The following LMAN1 variants were observed in gnomAD, a reference collection of about 807,000 sequenced individuals.
LMAN1 encodes the protein protein ERGIC-53.
LMAN1 carries 32 observed loss-of-function variants against 67.8 expected under a neutral mutation model. That is an observed-to-expected ratio of 0.47 (90% confidence interval 0.36 to 0.63). The LOEUF is 0.63. Among genes scored for constraint, LMAN1 ranks in the 30% least tolerant of loss-of-function variants. The pLI, the probability that LMAN1 is intolerant of heterozygous loss-of-function variation, is 0.00. For missense variants in LMAN1, 632 were observed against 628.2 expected (o/e 1.01, Z -0.06); for synonymous variants, 235 against 219.3 (o/e 1.07, Z -0.63).
intron 5 of LMAN1, among the ~76,000 whole-genome samples, chr18:59,351,961 G>A (rs1908552582): frequency 6.6e-6 from 1 of 152,184 alleles, no homozygotes; most frequent in Admixed American, 6.5e-5. Context: ...GTTTTCCACA[G>A]AACTAACTTT....
At chr18:59,339,025 C>A in intron 8 of LMAN1, 72 bp from the exon 9 acceptor site, 1 of 1,343,182 alleles carries the variant, frequency 7.4e-7, no homozygotes, top group Non-Finnish European at 1.1e-6. Flanking sequence ...CGTAAGTGAC[C>A]AAAGTGCCAA....
chr18:59,359,155 G>A lies in LMAN1; in HGVS notation c.90C>T (p.Gly30=). 1.2e-6 allele frequency: 2 copies of A among 1,614,036 alleles called. No individual in the cohort carries two copies. The highest frequency in any genetic ancestry group is 1.7e-6 in the Non-Finnish European group (2 of 1,179,964). ...LLLSLGRFVR[G]DGVGGDPAVA... Reference sequence around the variant, plus strand: ...CCGCGGGGTCTCCTCCCACGCCGTCGCCCCGGACGAAGCGACCGAGTGACA... The same window carrying A: ...CCGCGGGGTCTCCTCCCACGCCGTCACCCCGGACGAAGCGACCGAGTGACA... The change falls in exon 1 of 13, where the codon GGC becomes GGT. Residue 30 remains glycine (G), a synonymous_variant. Transcript: ENST00000251047.
chr18:59,334,540 A>G (rs1022564688), intron 10 of LMAN1, among the ~76,000 whole-genome samples: 1 of 152,224 alleles, frequency 6.6e-6, no homozygotes, highest in Non-Finnish European at 1.5e-5. Flanking sequence ...AAGTGAAAAG[A>G]GGGCTGGACA....
chr18:59,352,282 A>G (rs979174513), intron 5 of LMAN1, among the ~76,000 whole-genome samples: 1 of 152,180 alleles, frequency 6.6e-6, no homozygotes, highest in Non-Finnish European at 1.5e-5. Flanking sequence ...AGTACCAATT[A>G]GCTGTCCAAT....
chr18:59,357,963 TAAAAAA>T (rs150790005), intron 1 of LMAN1, among the ~76,000 whole-genome samples: 1 of 102,566 alleles, frequency 9.7e-6, no homozygotes, highest in Non-Finnish European at 1.9e-5. Context: ...AACCTTATAG[TAAAAAA>T]AAAAAAAAAA....
chr18:59,344,860 A>G (rs1194367337), intron 8 of LMAN1, among the ~76,000 whole-genome samples: 2 of 152,226 alleles, frequency 1.3e-5, no homozygotes, highest in African/African-American at 2.4e-5. Context: ...GATTCTACTT[A>G]TAAGAATAGG....
intron 5 of LMAN1, chr18:59,352,814 T>A (rs181835868): frequency 3.3e-6 from 1 of 306,964 alleles, no homozygotes; most frequent in African/African-American, 2.2e-5. Context: ...GAATGATACA[T>A]TTGTGTGTCC....
chr18:59,348,988 T>C, intron 6 of LMAN1, 125 bp downstream of exon 6: 1 of 1,108,990 alleles, frequency 9.0e-7, no homozygotes, highest in South Asian at 1.3e-5. Flanking sequence ...GCACAAGAGG[T>C]GATGGGAAAG....
At chr18:59,336,863 A>G (rs1047147595) in intron 10 of LMAN1, among the ~76,000 whole-genome samples, 7 of 152,150 alleles carry the variant, frequency 4.6e-5, no homozygotes, top group Non-Finnish European at 1.0e-4. Context: ...CAGCCTGGGC[A>G]ACAGAGCTAG....
At chr18:59,353,983 C>T (rs1049095698) in intron 4 of LMAN1, among the ~76,000 whole-genome samples, 2 of 152,092 alleles carry the variant, frequency 1.3e-5, no homozygotes, top group Non-Finnish European at 2.9e-5. Context: ...ATTCTTGTTG[C>T]GTACACAAAA....
Position 59,330,953 on chromosome 18 carries a change from T to G in LMAN1, c.*140A>C. On this transcript the variant is annotated 3_prime_UTR_variant, in exon 13 of 13. Transcript: ENST00000251047. Reference sequence around the variant, plus strand: ...GTTGTCTTTGCTTTAAGGTTTATTCTTAACTGCAAATCAATGTTTAAACAG... The same window carrying G: ...GTTGTCTTTGCTTTAAGGTTTATTCGTAACTGCAAATCAATGTTTAAACAG... 1.5e-6 allele frequency: 1 copy of G among 665,814 alleles called. No individual in the cohort carries two copies. Among genetic ancestry groups the G allele is most frequent in the Non-Finnish European group, 2.7e-6 (1 of 376,204 alleles). 41.2% of individuals were successfully genotyped at this position (665,814 alleles called of 1,614,324 possible).
At chr18:59,336,605 C>T (rs964669753) in intron 10 of LMAN1, among the ~76,000 whole-genome samples, 2 of 152,154 alleles carry the variant, frequency 1.3e-5, no homozygotes, top group Non-Finnish European at 2.9e-5. Flanking sequence ...ACATCGGGGC[C>T]AGGCGTGGTG....
At chr18:59,358,676 C>G (rs1908718589) in intron 1 of LMAN1, among the ~76,000 whole-genome samples, 1 of 152,022 alleles carries the variant, frequency 6.6e-6, no homozygotes, top group South Asian at 2.1e-4. Flanking sequence ...CTCCTAGAGA[C>G]GTGGCGTTGT....
intron 8 of LMAN1, 113 bp downstream of exon 8, chr18:59,345,806 A>C: frequency 1.6e-6 from 2 of 1,212,758 alleles, no homozygotes; most frequent in Non-Finnish European, 2.4e-6. Flanking sequence ...AATCACTTGG[A>C]ATGTGCCTGT....
At chr18:59,358,786 G>A (rs985459292) in intron 1 of LMAN1, among the ~76,000 whole-genome samples, 12 of 152,152 alleles carry the variant, frequency 7.9e-5, no homozygotes, top group Non-Finnish European at 1.8e-4. Flanking sequence ...TCAAAGAAGG[G>A]AAGACAGCAG....
chr18:59,341,348 C>A (rs1908282471), intron 8 of LMAN1, among the ~76,000 whole-genome samples: 1 of 152,056 alleles, frequency 6.6e-6, no homozygotes, highest in African/African-American at 2.4e-5. Flanking sequence ...GGACTTTAGA[C>A]CAAATGGACT....
intron 7 of LMAN1, among the ~76,000 whole-genome samples, chr18:59,346,261 C>A (rs1351815245): frequency 2.1e-5 from 3 of 141,942 alleles, no homozygotes; most frequent in Non-Finnish European, 4.5e-5. Context: ...CGCTCTGTCA[C>A]CCAGGCTGGA....
chr18:59,355,539 C>T lies in LMAN1; in HGVS notation c.334G>A (p.Val112Met), dbSNP rs780506911. ...ENWEVEVTFR[V>M]TGRGRIGADG... ...GCTCCAATTCGACCTCTTCCAGTCACTCGAAATGTCACCTCAACTTCCCAG... is the reference window on the plus strand; with the variant it reads ...GCTCCAATTCGACCTCTTCCAGTCATTCGAAATGTCACCTCAACTTCCCAG... Residue 112 changes from valine to methionine, a missense_variant, in exon 2 of 13, where the codon GTG (valine) becomes ATG (methionine). Transcript: ENST00000251047. 22 of 1,614,026 alleles carry T rather than the reference C, an allele frequency of 1.4e-5. No homozygotes were observed. Among genetic ancestry groups the T allele is most frequent in the East Asian group, 2.2e-5 (1 of 44,894 alleles).
chr18:59,335,830 GA>G (rs1281854494), intron 10 of LMAN1, among the ~76,000 whole-genome samples: 2 of 152,136 alleles, frequency 1.3e-5, no homozygotes, highest in African/African-American at 4.8e-5. Context: ...GAGATAAAAG[GA>G]ACTTTACATA....
Sources: allele counts gnomAD v4.1 joint callset (sites outside exome capture counted in the v4.1 genomes callset), GRCh38; gene constraint gnomAD v4.1.1; transcripts MANE v1.5; gene names NCBI Gene and HGNC (gene_info 2026-07-23, HGNC 2026-07-21).